The following FREM1 variants were observed in gnomAD, a reference collection of about 807,000 sequenced individuals.
The protein encoded by FREM1 is FRAS1-related extracellular matrix protein 1.
A neutral mutation model predicts 210.1 loss-of-function variants in FREM1; 220 were observed. The observed-to-expected ratio is 1.05, with a 90% CI of 0.94 to 1.17. The LOEUF (loss-of-function observed/expected upper bound fraction) is 1.17. FREM1 is among the 50% of genes most tolerant of loss of function. The pLI is 0.00. For missense variants in FREM1, 3,454 were observed against 2,675.5 expected (o/e 1.29, Z -6.42); for synonymous variants, 1,189 against 980.2 (o/e 1.21, Z -3.98).
chr9:14,786,612 G>A (rs1186581956), intron 23 of FREM1, among the ~76,000 whole-genome samples: 2 of 152,304 alleles, frequency 1.3e-5, no homozygotes, highest in South Asian at 2.1e-4. Flanking sequence ...GACCTGGGAT[G>A]CTGCTAAACA....
intron 1 of FREM1, among the ~76,000 whole-genome samples, chr9:14,875,430 C>T (rs201377301): frequency 5.3e-5 from 8 of 152,092 alleles, no homozygotes; most frequent in Admixed American, 2.6e-4. Context: ...TCATTTCATC[C>T]TCCATCACTG....
At chr9:14,793,891 G>A (rs1269792034) in intron 21 of FREM1, among the ~76,000 whole-genome samples, 1 of 152,300 alleles carries the variant, frequency 6.6e-6, no homozygotes, top group South Asian at 2.1e-4. Flanking sequence ...GCAGTGGGTG[G>A]TGACATTTGC....
intron 1 of FREM1, among the ~76,000 whole-genome samples, chr9:14,873,033 T>A (rs1370926939): frequency 2.0e-5 from 3 of 152,058 alleles, no homozygotes; most frequent in Non-Finnish European, 4.4e-5. Flanking sequence ...TTGATCATGG[T>A]GGATAAGCTT....
At chr9:14,779,716 G>C (rs1409009502) in intron 24 of FREM1, among the ~76,000 whole-genome samples, 1 of 152,206 alleles carries the variant, frequency 6.6e-6, no homozygotes, top group Non-Finnish European at 1.5e-5. Flanking sequence ...CCTGCCATCA[G>C]ACAGATGGGA....
chr9:14,909,625 G>C (rs898188730), intron 1 of FREM1, among the ~76,000 whole-genome samples: 10 of 152,202 alleles, frequency 6.6e-5, no homozygotes, highest in Admixed American at 6.5e-4. Flanking sequence ...CAATTACACA[G>C]TTAAAAAATG....
At chr9:14,835,903 CT>C (rs1159655816) in intron 10 of FREM1, among the ~76,000 whole-genome samples, 2 of 152,162 alleles carry the variant, frequency 1.3e-5, no homozygotes, top group Admixed American at 6.5e-5. Flanking sequence ...TGTTTTTCAG[CT>C]TTTTGCCTAC....
intron 1 of FREM1, among the ~76,000 whole-genome samples, chr9:14,870,218 C>G (rs1045592535): frequency 1.3e-5 from 2 of 152,222 alleles, no homozygotes; most frequent in Non-Finnish European, 1.5e-5. Context: ...TGTAGAAGAA[C>G]AAATGCCTCC....
At position 14,807,980 on chromosome 9, in the gene FREM1, C is replaced by T. The variant is rs61732546; in HGVS notation, c.3048G>A (p.Thr1016=). 7,348 of 1,613,626 alleles carry T rather than the reference C, an allele frequency of 4.6e-3. 311 individuals carry two copies. In the African/African-American group the frequency reaches 0.085, roughly 19 times the overall value. Residue 1016 remains threonine, a synonymous_variant, in exon 17 of 37, where the codon ACG becomes ACA. Coordinates refer to ENST00000380880, the MANE Select transcript of FREM1 (RefSeq NM_001379081.2). ...GTGGCTGGTTGTCTACTGGGTATAC[C>T]GTGATGTTGAGATCATACACTGGAA... ...ASFPVYDLNI[T]VYPVDNQPPS... is the part of the protein sequence containing the mutation.
At chr9:14,849,804 G>A (rs1244315306) in intron 6 of FREM1, among the ~76,000 whole-genome samples, 1 of 152,182 alleles carries the variant, frequency 6.6e-6, no homozygotes, top group African/African-American at 2.4e-5. Flanking sequence ...CATTCGCACA[G>A]GTTCTGCTTT....
At chr9:14,865,593 T>C (rs1831358219) in intron 2 of FREM1, among the ~76,000 whole-genome samples, 1 of 152,128 alleles carries the variant, frequency 6.6e-6, no homozygotes, top group Non-Finnish European at 1.5e-5. Context: ...GTCGTCTTGC[T>C]AGAAATGGGT....
Position 14,845,943 on chromosome 9 carries a change from C to G in FREM1, c.1393+17G>C. 1 of 1,612,686 alleles carries G rather than the reference C, an allele frequency of 6.2e-7. No individual in the cohort carries two copies. The highest frequency in any genetic ancestry group is 1.1e-5 in the South Asian group (1 of 90,926). On this transcript the variant is annotated intron_variant, in intron 8 of 36. Coordinates refer to ENST00000380880, the MANE Select transcript of FREM1 (RefSeq NM_001379081.2). ...ACTTTTGGATTCTTTGCTAGGTTAC[C>G]AAGTTGGATCATTCACCTCTTAAAG...
At chr9:14,829,652 G>C (rs1026841121) in intron 10 of FREM1, among the ~76,000 whole-genome samples, 8 of 152,156 alleles carry the variant, frequency 5.3e-5, no homozygotes, top group African/African-American at 1.7e-4. Context: ...ACAAGATGTA[G>C]TTCATTGATC....
intron 35 of FREM1, among the ~76,000 whole-genome samples, chr9:14,744,478 T>A (rs1842077586): frequency 6.6e-6 from 1 of 152,092 alleles, no homozygotes; most frequent in African/African-American, 2.4e-5. Flanking sequence ...TTTATATAAA[T>A]GCAATCATAT....
intron 10 of FREM1, among the ~76,000 whole-genome samples, chr9:14,832,346 G>A (rs1261368935): frequency 6.6e-6 from 1 of 152,116 alleles, no homozygotes. Flanking sequence ...TTAGGTATTT[G>A]ACCGTACACA....
chr9:14,823,226 A>G lies in FREM1; in HGVS notation c.2271T>C (p.His757=), dbSNP rs1474375207. ...VQFTFSVSNQ[H]GGTLHGICFN... is the part of the protein sequence containing the mutation. ...AGCAGATCCCATGCAAAGTACCGCC[A>G]TGTTGGTTACTGACAGAAAATGTGA... Residue 757 remains histidine, a synonymous_variant, in exon 13 of 37, where the codon CAT becomes CAC. Transcript: ENST00000380880. 25 of 1,613,924 alleles carry G rather than the reference A, an allele frequency of 1.5e-5. No homozygotes were observed. Among genetic ancestry groups the G allele is most frequent in the Non-Finnish European group, 1.9e-5 (23 of 1,179,836 alleles).
rs1844377667 is a variant in FREM1 at position 14,756,427 on chromosome 9, G to A, written c.5354C>T (p.Ala1785Val). The A allele has an allele frequency of 6.3e-7, 1 of 1,599,544 alleles. No homozygotes were observed. The highest frequency in any genetic ancestry group is 8.5e-7 in the Non-Finnish European group (1 of 1,172,538). Residue 1785 changes from alanine to valine, a missense_variant, in exon 29 of 37, where the codon GCA (alanine) becomes GTA (valine). Ala to Val is a moderately conservative substitution (Grantham distance 64, BLOSUM62 0). Coordinates refer to ENST00000380880, the MANE Select transcript of FREM1 (RefSeq NM_001379081.2). ...AATCACGGTGAAATCTTTTCCAACT[G>A]CAGCTGACACTTGGTTGACCTTAGG... ...VGIKVNQVSA[A>V]VGKDFTVIPS...
At chr9:14,811,264 A>C (rs1009046066) in intron 16 of FREM1, among the ~76,000 whole-genome samples, 1 of 152,178 alleles carries the variant, frequency 6.6e-6, no homozygotes, top group African/African-American at 2.4e-5. Context: ...ATTAGTTAAT[A>C]GTCCCGTCTA....
intron 28 of FREM1, among the ~76,000 whole-genome samples, chr9:14,757,704 A>G (rs895477353): frequency 1.1e-4 from 16 of 152,242 alleles, no homozygotes; most frequent in African/African-American, 3.9e-4. Flanking sequence ...CCTTCTGACA[A>G]AAGAATGAAG....
intron 21 of FREM1, among the ~76,000 whole-genome samples, chr9:14,794,660 T>C (rs985973978): frequency 3.3e-5 from 5 of 152,174 alleles, no homozygotes; most frequent in Non-Finnish European, 5.9e-5. Context: ...AGCCATTAGA[T>C]TTGGCGGGAA....
Sources: gnomAD v4.1 joint callset for allele counts (sites outside exome capture counted in the v4.1 genomes callset) on GRCh38, gnomAD v4.1.1 for gene constraint, MANE v1.5 for transcripts, NCBI Gene and HGNC (gene_info 2026-07-23, HGNC 2026-07-21) for gene names.